ANO4: variants seen among roughly 807,000 people sequenced by gnomAD.
ANO4 encodes the protein anoctamin 4, also known as anoctamin-4.
In ANO4, 69 loss-of-function variants were observed where a neutral mutation model predicts 141.9. The observed-to-expected ratio is 0.49, with a 90% CI of 0.40 to 0.59. ANO4 has a LOEUF of 0.59. Ranked by LOEUF, ANO4 falls within the 20% of genes least tolerant of loss-of-function variation. ANO4 has a pLI of 0.00. For missense variants in ANO4, 894 were observed against 1,162.2 expected (o/e 0.77, Z 3.36); for synonymous variants, 350 against 394.3 (o/e 0.89, Z 1.33).
intron 19 of ANO4, 112 bp downstream of exon 19, chr12:101,096,759 A>G: frequency 2.5e-6 from 2 of 794,912 alleles, no homozygotes; most frequent in Middle Eastern, 2.4e-4. Context: ...CAAAGTGTAA[A>G]AAGGGAAGAG....
intron 3 of ANO4, among the ~76,000 whole-genome samples, chr12:100,929,958 G>A (rs970784833): frequency 4.6e-5 from 7 of 152,080 alleles, no homozygotes; most frequent in Admixed American, 4.6e-4. Flanking sequence ...TCATGTGCCT[G>A]TTTGCCATTT....
At chr12:100,892,703 C>G (rs2040163536) in intron 1 of ANO4, among the ~76,000 whole-genome samples, 1 of 152,056 alleles carries the variant, frequency 6.6e-6, no homozygotes, top group African/African-American at 2.4e-5. Context: ...TTATAATACC[C>G]AGTACAATGT....
intron 8 of ANO4, 68 bp downstream of exon 8, chr12:100,987,738 C>T (rs78259827): frequency 0.11 from 175,710 of 1,578,494 alleles, 10,568 homozygotes; most frequent in Admixed American, 0.18. Flanking sequence ...TCACCCTGCA[C>T]GCCTTTGATT....
At chr12:100,960,107 T>C (rs1397433380) in intron 5 of ANO4, among the ~76,000 whole-genome samples, 1 of 152,128 alleles carries the variant, frequency 6.6e-6, no homozygotes, top group African/African-American at 2.4e-5. Flanking sequence ...GAGCTCATGA[T>C]ATGGCTCCTG....
chr12:100,808,530 G>A lies in ANO4; in HGVS notation c.-141+13503G>A, dbSNP rs1205343711. Reference sequence around the variant, plus strand: ...CAACCTGTCGTCACACAGGGTATATGTTCCCATTTATTCAGATCTTCTTTT... The same window carrying A: ...CAACCTGTCGTCACACAGGGTATATATTCCCATTTATTCAGATCTTCTTTT... On this transcript the variant is annotated intron_variant, in intron 1 of 27. Coordinates refer to ENST00000392977, the MANE Select transcript of ANO4 (RefSeq NM_001286615.2). Among the ~76,000 whole-genome samples, 6 of 152,230 alleles carry A rather than the reference G, an allele frequency of 3.9e-5. No individual in the cohort carries two copies. In the South Asian group the frequency reaches 8.3e-4, roughly 21 times the overall value.
At chr12:100,990,560 G>A (rs1592946496) in intron 8 of ANO4, among the ~76,000 whole-genome samples, 9 of 152,176 alleles carry the variant, frequency 5.9e-5, no homozygotes, top group Admixed American at 5.9e-4. Flanking sequence ...TTATTCAATA[G>A]TCACTAATTT....
chr12:100,768,663 A>G (rs1449107177), intron 3 of ANO4, among the ~76,000 whole-genome samples: 1 of 152,076 alleles, frequency 6.6e-6, no homozygotes, highest in Non-Finnish European at 1.5e-5. Context: ...GTTGAATTTA[A>G]TTGCTTTACT....
chr12:101,003,059 C>T (rs567673800), intron 8 of ANO4, among the ~76,000 whole-genome samples: 2 of 152,274 alleles, frequency 1.3e-5, no homozygotes, highest in South Asian at 4.1e-4. Flanking sequence ...CACAGCTTCT[C>T]CATCAGGAAA....
intron 7 of ANO4, among the ~76,000 whole-genome samples, chr12:100,981,295 A>G (rs1041958340): frequency 6.6e-6 from 1 of 152,218 alleles, no homozygotes; most frequent in Admixed American, 6.5e-5. Flanking sequence ...TCTAAATTCT[A>G]TCCAGGCAGA....
intron 7 of ANO4, among the ~76,000 whole-genome samples, chr12:100,978,160 A>T (rs894083470): frequency 5.3e-5 from 8 of 152,214 alleles, no homozygotes; most frequent in African/African-American, 1.9e-4. Flanking sequence ...GAAGGCAAGG[A>T]TGACTCATTC....
rs146564049 is a variant in ANO4, at chr12:100,775,276, G to C, written c.358+35171G>C. Among the ~76,000 whole-genome samples the C allele has an allele frequency of 2.0e-5, 3 of 152,242 alleles. No individual in the cohort carries two copies. The East Asian group carries it at 5.8e-4, about 29-fold the overall frequency. ...GAGGTTGCTAGAAGTGTACCTCCTTGAAAATACGTTCGTTAAAAATGACAT... is the reference window on the plus strand; with the variant it reads ...GAGGTTGCTAGAAGTGTACCTCCTTCAAAATACGTTCGTTAAAAATGACAT... On this transcript the variant is annotated intron_variant, in intron 3 of 29. Coordinates refer to the ANO4 transcript ENST00000644049.
chr12:100,768,715 G>A (rs942945472), intron 3 of ANO4, among the ~76,000 whole-genome samples: 3 of 152,208 alleles, frequency 2.0e-5, no homozygotes, highest in Admixed American at 6.5e-5. Flanking sequence ...ATACTTTTAT[G>A]TTAATGGTTT....
intron 3 of ANO4, among the ~76,000 whole-genome samples, chr12:100,760,945 G>A (rs546118946): frequency 1.3e-5 from 2 of 152,274 alleles, no homozygotes; most frequent in African/African-American, 4.8e-5. Flanking sequence ...TAAGTTTGAA[G>A]TAGGCACTCT....
chr12:100,980,525 G>A (rs184352920), intron 7 of ANO4, among the ~76,000 whole-genome samples: 2 of 152,150 alleles, frequency 1.3e-5, no homozygotes, highest in East Asian at 3.9e-4. Context: ...AATTCCCGTC[G>A]TATGAAATCT....
intron 3 of ANO4, among the ~76,000 whole-genome samples, chr12:100,768,362 G>T (rs2135545559): frequency 6.6e-6 from 1 of 152,252 alleles, no homozygotes; most frequent in Middle Eastern, 3.4e-3. Flanking sequence ...TCTTCTTTCT[G>T]TGCTACACCT....
intron 1 of ANO4, among the ~76,000 whole-genome samples, chr12:100,806,300 G>A (rs2035018020): frequency 6.6e-6 from 1 of 152,072 alleles, no homozygotes; most frequent in Non-Finnish European, 1.5e-5. Flanking sequence ...AGCAATGAAT[G>A]AGAATGCCTG....
At chr12:100,756,149 A>G (rs776107000) in intron 3 of ANO4, among the ~76,000 whole-genome samples, 12 of 152,166 alleles carry the variant, frequency 7.9e-5, no homozygotes, top group Admixed American at 2.0e-4. Flanking sequence ...AATGCTTTAT[A>G]TTATCCATCT....
intron 3 of ANO4, among the ~76,000 whole-genome samples, chr12:100,925,980 G>A (rs1430142409): frequency 6.6e-6 from 1 of 151,794 alleles, no homozygotes; most frequent in Non-Finnish European, 1.5e-5. Context: ...TTTTCCCAAA[G>A]TATCTCTTTT....
chr12:100,995,108 C>G (rs1417932489), intron 8 of ANO4, among the ~76,000 whole-genome samples: 1 of 132,130 alleles, frequency 7.6e-6, no homozygotes, highest in African/African-American at 2.9e-5. Flanking sequence ...GCTATGGGAA[C>G]AGAGAAAAAG....
Sources: gnomAD v4.1 joint callset for allele counts (sites outside exome capture counted in the v4.1 genomes callset) on GRCh38, gnomAD v4.1.1 for gene constraint, MANE v1.5 for transcripts, NCBI Gene and HGNC (gene_info 2026-07-23, HGNC 2026-07-21) for gene names.